The following ADAMTS17 variants were observed in gnomAD, a reference collection of about 807,000 sequenced individuals.
ADAMTS17 encodes the protein A disintegrin and metalloproteinase with thrombospondin motifs 17.
Under a neutral mutation model 141.5 loss-of-function variants are expected in ADAMTS17, and 113 were observed. The observed-to-expected ratio is 0.80, with a 90% CI of 0.69 to 0.93. ADAMTS17 has a LOEUF of 0.93. Among genes scored for constraint, ADAMTS17 ranks in the 40% least tolerant of loss-of-function variants. ADAMTS17 has a pLI of 0.00. For missense variants in ADAMTS17, 1,659 were observed against 1,517.9 expected, an observed-to-expected ratio of 1.09 and a Z score of -1.54; for synonymous variants, 768 against 630.6, an observed-to-expected ratio of 1.22 and a Z score of -3.27.
chr15:100,155,184 G>A lies in ADAMTS17; in HGVS notation c.1318C>T (p.Leu440Phe), dbSNP rs1489753011. The A allele has an allele frequency of 9.3e-6, 15 of 1,614,198 alleles. No individual in the cohort carries two copies. Among genetic ancestry groups the A allele is most frequent in the Admixed American group, 3.3e-5 (2 of 60,030 alleles). The change falls in exon 9 of 22, where the codon CTC (leucine) becomes TTC (phenylalanine). Residue 440 changes from leucine to phenylalanine, a missense_variant. Coordinates refer to ENST00000268070, the MANE Select transcript of ADAMTS17 (RefSeq NM_139057.4). ...TAGAATAATTCCAGGACTTACTTGA[G>A]GAAGTTTTCAAGGTCATCTCGGCTG... ...SCSRDDLENF[L>F]KSKVSTCLLV...
intron 6 of ADAMTS17, among the ~76,000 whole-genome samples, chr15:100,258,827 G>T (rs1387130704): frequency 1.3e-5 from 2 of 151,880 alleles, no homozygotes; most frequent in Non-Finnish European, 3.0e-5. Context: ...GGTGAAAAAT[G>T]AAAAGAAAGT....
At chr15:100,281,051 T>C (rs1453494908) in intron 4 of ADAMTS17, among the ~76,000 whole-genome samples, 178 bp downstream of exon 4, 1 of 152,182 alleles carries the variant, frequency 6.6e-6, no homozygotes, top group African/African-American at 2.4e-5. Flanking sequence ...TGCTCTTCCA[T>C]CGGGATGTCC....
intron 12 of ADAMTS17, among the ~76,000 whole-genome samples, chr15:100,127,878 G>A (rs577839995): frequency 1.4e-5 from 2 of 146,648 alleles, no homozygotes; most frequent in Non-Finnish European, 3.0e-5. Context: ...CACTGGGCTC[G>A]GCCCCCTGAT....
intron 20 of ADAMTS17, chr15:99,979,968 CG>C (rs1426480737): frequency 6.6e-6 from 1 of 152,124 alleles, no homozygotes; most frequent in Non-Finnish European, 1.5e-5. Context: ...CCTGGGAAAA[CG>C]GGATTACCAT....
At position 99,971,992 on chromosome 15, in the gene ADAMTS17, C is replaced by CTGTAA. The variant is rs1335581464; in HGVS notation, c.*2405_*2409dup. Reference sequence around the variant, plus strand: ...AAAGGCCGGGCGCGGTGGCTCACTCCTGTAATCCCAGCACTTTGGAAGGCT... The same window carrying CTGTAA: ...AAAGGCCGGGCGCGGTGGCTCACTCCTGTAATGTAATCCCAGCACTTTGGAAGGCT... On this transcript the variant is annotated 3_prime_UTR_variant, in exon 22 of 22. Transcript: ENST00000268070. The CTGTAA allele has an allele frequency of 6.6e-6, 1 of 152,204 alleles. No individual in the cohort carries two copies. The highest frequency in any genetic ancestry group is 1.5e-5 in the Non-Finnish European group (1 of 68,030). The allele number at this position is 152,204 out of a possible 1,614,324, so 9.4% of individuals were successfully genotyped here.
chr15:100,143,718 A>G (rs1472717047), intron 10 of ADAMTS17, among the ~76,000 whole-genome samples: 1 of 152,218 alleles, frequency 6.6e-6, no homozygotes, highest in Non-Finnish European at 1.5e-5. Context: ...CCTAAGAATT[A>G]ATATGGACTG....
At chr15:100,091,010 C>CAACAAAAAAAAAAAAA (rs1555446585) in intron 15 of ADAMTS17, among the ~76,000 whole-genome samples, 9 of 54,590 alleles carry the variant, frequency 1.6e-4, no homozygotes, top group Admixed American at 6.4e-4. Flanking sequence ...TCCGTCTCAA[C>CAACAAAAAAAAAAAAA]AAAAAAAAAA....
chr15:100,234,417 CCA>C (rs2042589362), intron 7 of ADAMTS17, among the ~76,000 whole-genome samples: 1 of 152,172 alleles, frequency 6.6e-6, no homozygotes, highest in South Asian at 2.1e-4. Flanking sequence ...GGATACGGGC[CCA>C]CAGTCATGTA....
chr15:100,102,506 G>A (rs1045437231), intron 14 of ADAMTS17, among the ~76,000 whole-genome samples: 3 of 120,178 alleles, frequency 2.5e-5, no homozygotes, highest in Admixed American at 8.6e-5. Flanking sequence ...AGGGCCGACC[G>A]AAGGGGATCT....
At chr15:100,303,075 T>TACTTAATAAACTTAATACTTAATAA (rs2045098444) in intron 3 of ADAMTS17, among the ~76,000 whole-genome samples, 1 of 149,496 alleles carries the variant, frequency 6.7e-6, no homozygotes, top group African/African-American at 2.4e-5. Flanking sequence ...TGTGAGTTAA[T>TACTTAATAAACTTAATACTTAATAA]ACTTAATAAA....
At chr15:100,012,120 G>T (rs2061197361) in intron 18 of ADAMTS17, among the ~76,000 whole-genome samples, 1 of 152,182 alleles carries the variant, frequency 6.6e-6, no homozygotes, top group Non-Finnish European at 1.5e-5. Context: ...TTGTGGTTTT[G>T]ATTTGCATTT....
intron 12 of ADAMTS17, among the ~76,000 whole-genome samples, chr15:100,126,745 G>T (rs2037755027): frequency 6.6e-6 from 1 of 152,222 alleles, no homozygotes. Flanking sequence ...TGCACATCCA[G>T]GCAGGAAGGC....
At chr15:100,296,285 A>G (rs1442772472) in intron 3 of ADAMTS17, among the ~76,000 whole-genome samples, 1 of 152,142 alleles carries the variant, frequency 6.6e-6, no homozygotes, top group African/African-American at 2.4e-5. Context: ...ACAAAAGCAA[A>G]AGATCTGTTT....
At chr15:100,313,557 T>C (rs2045469174) in intron 3 of ADAMTS17, among the ~76,000 whole-genome samples, 1 of 152,226 alleles carries the variant, frequency 6.6e-6, no homozygotes, top group South Asian at 2.1e-4. Flanking sequence ...TGAATATTCA[T>C]GAGGTAAAAT....
intron 4 of ADAMTS17, among the ~76,000 whole-genome samples, chr15:100,262,845 T>C (rs571902647): frequency 1.4e-4 from 21 of 148,614 alleles, no homozygotes; most frequent in African/African-American, 4.7e-4. Flanking sequence ...TCAGTGTCCA[T>C]ACATCAAGTC....
intron 15 of ADAMTS17, among the ~76,000 whole-genome samples, chr15:100,065,016 G>T (rs1271335965): frequency 2.6e-5 from 4 of 152,130 alleles, no homozygotes; most frequent in African/African-American, 9.7e-5. Flanking sequence ...GTTCAACTAT[G>T]TGGAAATCAT....
Position 100,237,911 on chromosome 15 carries a change from C to T in ADAMTS17, c.1075+16225G>A, listed in dbSNP as rs560305169. ...AGTGCTGGGATTACAGGTGTGAGCCCACTGTGCCCGGCCAACACTAAGTCT... is the reference window on the plus strand; with the variant it reads ...AGTGCTGGGATTACAGGTGTGAGCCTACTGTGCCCGGCCAACACTAAGTCT... On this transcript the variant is annotated intron_variant, in intron 7 of 21. Transcript: ENST00000268070. Among the ~76,000 whole-genome samples the T allele has an allele frequency of 7.2e-5, 11 of 152,274 alleles. 1 individual carries two copies. In the South Asian group the frequency reaches 2.1e-3, roughly 29 times the overall value.
At position 99,993,414 on chromosome 15, in the gene ADAMTS17, C is replaced by A. The variant is rs28583873; in HGVS notation, c.2797-214G>T. Among the ~76,000 whole-genome samples, 4,152 of 152,264 alleles carry A rather than the reference C, an allele frequency of 0.027. 177 individuals carry two copies. Among genetic ancestry groups the A allele is most frequent in the African/African-American group, 0.094 (3,916 of 41,530 alleles). Reference sequence around the variant, plus strand: ...GAGTGGCCAGTGTTGTGGAAGGGACCTAGGAATCAGGAGTGGGAAGAACCT... The same window carrying A: ...GAGTGGCCAGTGTTGTGGAAGGGACATAGGAATCAGGAGTGGGAAGAACCT... On this transcript the variant is annotated intron_variant, in intron 19 of 21. Coordinates refer to ENST00000268070, the MANE Select transcript of ADAMTS17 (RefSeq NM_139057.4). This position sits in a 1 kb window ranked among gnomAD's most constrained non-coding sequence, Gnocchi z 4.3.
intron 18 of ADAMTS17, among the ~76,000 whole-genome samples, chr15:100,041,126 T>C (rs977286614): frequency 6.6e-6 from 1 of 152,196 alleles, no homozygotes; most frequent in Non-Finnish European, 1.5e-5. Flanking sequence ...AGGGATTCCA[T>C]TCCATTTTAA....
Sources: gnomAD v4.1 joint callset for allele counts (sites outside exome capture counted in the v4.1 genomes callset) on GRCh38, gnomAD v4.1.1 for gene constraint, Gnocchi (gnomAD v3.1) non-coding constraint, MANE v1.5 for transcripts, NCBI Gene and HGNC (gene_info 2026-07-23, HGNC 2026-07-21) for gene names.